L2HGDH: variants seen among roughly 807,000 people sequenced by gnomAD.
L2HGDH encodes L-2-hydroxyglutarate dehydrogenase, mitochondrial.
A neutral mutation model predicts 51.5 loss-of-function variants in L2HGDH; 34 were observed. The observed-to-expected ratio is 0.66, with a 90% CI of 0.50 to 0.88. The LOEUF (loss-of-function observed/expected upper bound fraction) is 0.88, where lower values mean the gene tolerates loss of function less well. Among genes scored for constraint, L2HGDH ranks in the 40% least tolerant of loss-of-function variants. L2HGDH has a pLI of 0.00. For missense variants in L2HGDH, 558 were observed against 571.9 expected, an observed-to-expected ratio of 0.98 and a Z score of 0.25; for synonymous variants, 198 against 197.9, an observed-to-expected ratio of 1.00 and a Z score of -0.01.
chr14:50,300,440 G>A (rs1242183101), intron 3 of L2HGDH, among the ~76,000 whole-genome samples: 3 of 151,866 alleles, frequency 2.0e-5, no homozygotes, highest in Admixed American at 6.6e-5. Context: ...CATTACAGGC[G>A]TGTGCCACCA....
Position 50,284,056 on chromosome 14 carries a change from T to A in L2HGDH, c.541-23A>T. On this transcript the variant is annotated intron_variant, in intron 4 of 9. Coordinates refer to ENST00000267436, the MANE Select transcript of L2HGDH (RefSeq NM_024884.3). Reference sequence around the variant, plus strand: ...ACCCTGAAACAGAATTATGAAAAGATAACAGATAAGAGAAATAATACTTGC... The same window carrying A: ...ACCCTGAAACAGAATTATGAAAAGAAAACAGATAAGAGAAATAATACTTGC... 6.2e-7 allele frequency: 1 copy of A among 1,604,506 alleles called. No individual in the cohort carries two copies. The highest frequency in any genetic ancestry group is 8.5e-7 in the Non-Finnish European group (1 of 1,171,832).
chr14:50,276,507 T>C (rs1004845755), intron 6 of L2HGDH, among the ~76,000 whole-genome samples: 3 of 149,816 alleles, frequency 2.0e-5, no homozygotes, highest in Non-Finnish European at 3.0e-5. Context: ...ACCCTTAATG[T>C]GAACTGTATA....
intron 3 of L2HGDH, chr14:50,299,921 G>A (rs186837248): frequency 5.9e-5 from 9 of 153,058 alleles, no homozygotes; most frequent in African/African-American, 2.2e-4. Context: ...TGACAACAGA[G>A]ATGAACCTGG....
intron 6 of L2HGDH, among the ~76,000 whole-genome samples, chr14:50,276,975 T>C (rs1197505047): frequency 1.3e-5 from 2 of 152,036 alleles, no homozygotes; most frequent in African/African-American, 4.8e-5. Context: ...AGTAGCTGTG[T>C]CCCTCCCCCA....
chr14:50,303,161 C>T (rs2030515251), intron 1 of L2HGDH, 144 bp from the exon 2 acceptor site: 3 of 601,674 alleles, frequency 5.0e-6, no homozygotes, highest in Middle Eastern at 4.1e-4. Flanking sequence ...CAGTGGCTCA[C>T]ACCTGTAATC....
chr14:50,256,537 A>C (rs562122584), intron 9 of L2HGDH, among the ~76,000 whole-genome samples: 1 of 152,050 alleles, frequency 6.6e-6, no homozygotes, highest in African/African-American at 2.4e-5. Context: ...AAAAAAAATT[A>C]AAAGCATTTT....
intron 6 of L2HGDH, among the ~76,000 whole-genome samples, chr14:50,271,061 T>C (rs936737321): frequency 5.9e-5 from 9 of 152,056 alleles, no homozygotes; most frequent in African/African-American, 2.2e-4. Flanking sequence ...GGCGCAGTCC[T>C]GGCTCACTAC....
In L2HGDH at chr14:50,246,920, C is replaced by G; in HGVS notation, c.*138G>C. 1 of 1,340,270 alleles carries G rather than the reference C, an allele frequency of 7.5e-7. No homozygotes were observed. The highest frequency in any genetic ancestry group is 1.0e-6 in the Non-Finnish European group (1 of 1,002,326). The allele number at this position is 1,340,270 out of a possible 1,614,324, so 83.0% of individuals were successfully genotyped here. On this transcript the variant is annotated 3_prime_UTR_variant, in exon 10 of 10. Transcript: ENST00000267436. ...GTAGAAAATTATTATTTCTATGTTA[C>G]ATCATTTTAACAATGCAGTGGTTAT...
rs377734247 is a variant in L2HGDH, at chr14:50,302,932, T to A, written c.226A>T (p.Ile76Phe). ...ALILRHPSLS[I>F]GVLEKEKDLA... ...TCTTTCTCCTTTTCCAGAACACCAA[T>A]AGAAAGTGATGGATGTCGCAGGATG... The change falls in exon 2 of 10, where the codon ATT becomes TTT. Residue 76 changes from isoleucine (I) to phenylalanine (F), a missense_variant. This residue lies in a region of L2HGDH where 194 missense variants were observed against 187.2 expected (regional missense o/e 1.04). Transcript: ENST00000267436. 2 of 1,613,552 alleles carry A rather than the reference T, an allele frequency of 1.2e-6. No homozygotes were observed. Among genetic ancestry groups the A allele is most frequent in the African/African-American group, 2.7e-5 (2 of 74,872 alleles).
In L2HGDH at chr14:50,243,103, G is replaced by A. The variant is rs893808589; in HGVS notation, c.*3955C>T. 1.9e-5 allele frequency: 19 copies of A among 985,366 alleles called. No individual in the cohort carries two copies. Among genetic ancestry groups the A allele is most frequent in the Non-Finnish European group, 2.2e-5 (18 of 829,964 alleles). 61.0% of individuals were successfully genotyped at this position (985,366 alleles called of 1,614,324 possible). Reference sequence around the variant, plus strand: ...AGATTTCCAAATGGCCTCAGGGAAAGTGGAATTCTGCCAACAGTAAAGGCA... The same window carrying A: ...AGATTTCCAAATGGCCTCAGGGAAAATGGAATTCTGCCAACAGTAAAGGCA... On this transcript the variant is annotated 3_prime_UTR_variant, in exon 10 of 10. Transcript: ENST00000267436.
intron 1 of L2HGDH, chr14:50,311,254 A>G: frequency 2.3e-6 from 1 of 441,900 alleles, no homozygotes; most frequent in Non-Finnish European, 4.5e-6. Context: ...TGGCTCTTAG[A>G]ATAAAAGTCA....
At chr14:50,277,751 C>T (rs370623694) in intron 6 of L2HGDH, among the ~76,000 whole-genome samples, 8 of 149,406 alleles carry the variant, frequency 5.4e-5, no homozygotes, top group South Asian at 2.1e-4. Flanking sequence ...CCAGCCTGGG[C>T]GACACAGTGA....
chr14:50,262,639 T>C (rs576276901), intron 9 of L2HGDH, among the ~76,000 whole-genome samples: 2 of 152,054 alleles, frequency 1.3e-5, no homozygotes, highest in Admixed American at 1.3e-4. Flanking sequence ...GAATTAGGTG[T>C]TTATCACTCC....
intron 8 of L2HGDH, among the ~76,000 whole-genome samples, chr14:50,266,836 G>A (rs1163069467): frequency 2.6e-5 from 4 of 151,988 alleles, no homozygotes; most frequent in African/African-American, 9.7e-5. Context: ...CCTTTAGAGA[G>A]AAACATTGGT....
chr14:50,259,347 C>T (rs1595073739), intron 9 of L2HGDH, among the ~76,000 whole-genome samples: 1 of 135,964 alleles, frequency 7.4e-6, no homozygotes, highest in Admixed American at 8.3e-5. Flanking sequence ...TCTTTTCTTT[C>T]TGTTTTTTTT....
At chr14:50,287,761 G>A (rs559835275) in intron 4 of L2HGDH, among the ~76,000 whole-genome samples, 14 of 134,622 alleles carry the variant, frequency 1.0e-4, no homozygotes, top group Non-Finnish European at 1.2e-4. Context: ...GCAGTGGTGC[G>A]ATCTTGGCTC....
At chr14:50,290,224 G>A (rs1380877503) in intron 4 of L2HGDH, among the ~76,000 whole-genome samples, 2 of 151,874 alleles carry the variant, frequency 1.3e-5, no homozygotes, top group African/African-American at 2.4e-5. Flanking sequence ...TCGAGATCAC[G>A]CCACTGCACT....
rs778801953 is a variant in L2HGDH at position 50,269,287 on chromosome 14, A to T, written c.782T>A (p.Leu261His). ...CAACTCTGAAATACGGTCTGAGTAA[A>T]GTCCTGCACATGTCACAACATACTG... The part of the protein sequence containing the change: ...RCQYVVTCAG[L>H]YSDRISELSG... Residue 261 changes from leucine (L) to histidine (H), a missense_variant, in exon 7 of 10, where the codon CTT becomes CAT. Transcript: ENST00000267436. 2 of 1,614,160 alleles carry T rather than the reference A, an allele frequency of 1.2e-6. No individual in the cohort carries two copies. Among genetic ancestry groups the T allele is most frequent in the East Asian group, 4.5e-5 (2 of 44,876 alleles).
At chr14:50,254,543 G>C (rs990313522) in intron 9 of L2HGDH, among the ~76,000 whole-genome samples, 2 of 151,970 alleles carry the variant, frequency 1.3e-5, no homozygotes, top group Admixed American at 6.6e-5. Flanking sequence ...GATGTTGAGT[G>C]TCCAATGTAA....
Sources: allele counts gnomAD v4.1 joint callset (sites outside exome capture counted in the v4.1 genomes callset), GRCh38; gene constraint gnomAD v4.1.1; regional missense constraint gnomAD v4.1.1; transcripts MANE v1.5; gene names NCBI Gene and HGNC (gene_info 2026-07-23, HGNC 2026-07-21).